FBXL7: variants seen among roughly 807,000 people sequenced by gnomAD.
The protein encoded by FBXL7 is F-box/LRR-repeat protein 7.
Under a neutral mutation model 38.3 loss-of-function variants are expected in FBXL7, and 12 were observed. That is an observed-to-expected ratio of 0.31 (90% CI 0.20 to 0.51). The LOEUF (loss-of-function observed/expected upper bound fraction) is 0.51. Ranked by LOEUF, FBXL7 falls within the 20% of genes least tolerant of loss-of-function variation. FBXL7 has a pLI of 0.98. For synonymous variants in FBXL7, 297 were observed against 300.9 expected (o/e 0.99, Z 0.13); for missense variants, 567 against 676.4 (o/e 0.84, Z 1.79).
chr5:15,799,584 A>T (rs921907843), intron 2 of FBXL7, among the ~76,000 whole-genome samples: 6 of 151,638 alleles, frequency 4.0e-5, no homozygotes, highest in Non-Finnish European at 7.4e-5. Context: ...CTGGTCTCGA[A>T]CTCCCAACCT....
intron 2 of FBXL7, among the ~76,000 whole-genome samples, chr5:15,645,381 A>G (rs1374472719): frequency 6.6e-6 from 1 of 152,126 alleles, no homozygotes; most frequent in African/African-American, 2.4e-5. Context: ...CAGAAACTCA[A>G]AAGAATGTGC....
intron 2 of FBXL7, among the ~76,000 whole-genome samples, chr5:15,638,771 T>C (rs1419261466): frequency 1.3e-5 from 2 of 152,162 alleles, no homozygotes; most frequent in African/African-American, 4.8e-5. Flanking sequence ...CTGTTTGTGG[T>C]TTCCAGAAAT....
intron 2 of FBXL7, among the ~76,000 whole-genome samples, chr5:15,736,695 C>T (rs190101967): frequency 3.3e-5 from 5 of 152,276 alleles, no homozygotes; most frequent in Admixed American, 3.3e-4. Context: ...GGTCTGGTTT[C>T]CTCAGCTACC....
At chr5:15,672,587 T>TA (rs1742515655) in intron 2 of FBXL7, among the ~76,000 whole-genome samples, 1 of 150,706 alleles carries the variant, frequency 6.6e-6, no homozygotes, top group African/African-American at 2.4e-5. Context: ...GATGAAGTCT[T>TA]ACTGTCGCTC....
Position 15,743,493 on chromosome 5 carries a change from T to A in FBXL7, c.127+127421T>A, listed in dbSNP as rs115254383. Among the ~76,000 whole-genome samples the A allele has an allele frequency of 4.4e-4, 67 of 152,342 alleles. 1 individual carries two copies. Among genetic ancestry groups the A allele is most frequent in the African/African-American group, 1.6e-3 (65 of 41,592 alleles). On this transcript the variant is annotated intron_variant, in intron 2 of 3. Coordinates refer to ENST00000504595, the MANE Select transcript of FBXL7 (RefSeq NM_012304.5). ...CTGATGCAAGAGGTGGCTCCCACCA[T>A]CTTGCACAGCTCTGCCCCTGTGGCT...
chr5:15,768,243 C>A (rs902294665), intron 2 of FBXL7, among the ~76,000 whole-genome samples: 1 of 152,006 alleles, frequency 6.6e-6, no homozygotes, highest in African/African-American at 2.4e-5. Flanking sequence ...TAAACAGTAA[C>A]ATTGCTGGCT....
intron 2 of FBXL7, among the ~76,000 whole-genome samples, chr5:15,785,494 C>T (rs1055584767): frequency 3.3e-5 from 5 of 152,128 alleles, no homozygotes; most frequent in African/African-American, 9.7e-5. Flanking sequence ...GTTTTATACA[C>T]GGAAGAAGAG....
At chr5:15,641,626 A>G (rs980051033) in intron 2 of FBXL7, among the ~76,000 whole-genome samples, 9 of 152,198 alleles carry the variant, frequency 5.9e-5, no homozygotes, top group African/African-American at 1.4e-4. Context: ...GGATGACAGG[A>G]ACATTTGAAT....
chr5:15,937,295 C>T lies in FBXL7; in HGVS notation c.*109C>T, dbSNP rs973287612. ...ACCCACTCAAAACAGCTCTTTCTTC[C>T]GGGAAGGTTATTAGGAATCTGGCCT... On this transcript the variant is annotated 3_prime_UTR_variant, in exon 4 of 4. Coordinates refer to ENST00000504595, the MANE Select transcript of FBXL7 (RefSeq NM_012304.5). 3.8e-6 allele frequency: 5 copies of T among 1,307,988 alleles called. No individual in the cohort carries two copies. In the African/African-American group the frequency reaches 4.5e-5, roughly 12 times the overall value. The allele number at this position is 1,307,988 out of a possible 1,614,324, so 81.0% of individuals were successfully genotyped here.
chr5:15,883,536 C>A (rs532616960), intron 2 of FBXL7, among the ~76,000 whole-genome samples: 1 of 152,148 alleles, frequency 6.6e-6, no homozygotes, highest in Non-Finnish European at 1.5e-5. Flanking sequence ...TTGGGCACCA[C>A]GAATTCACTT....
chr5:15,920,252 A>G (rs12188146), intron 2 of FBXL7, among the ~76,000 whole-genome samples: 151,567 of 151,732 alleles, frequency 1, 75,703 homozygotes, highest in Middle Eastern at 1. Context: ...GCGAGACTCC[A>G]TCTCAAAAAA....
rs535274835 is a variant in FBXL7, at chr5:15,577,266, G to A, written c.38-38717G>A. ...ACAATGTCATCCACGTCCTCGTGGC[G>A]TTAATTATCTACACCATGGTATCTG... On this transcript the variant is annotated intron_variant, in intron 1 of 3. Transcript: ENST00000504595. Among the ~76,000 whole-genome samples, 27 of 152,118 alleles carry A rather than the reference G, an allele frequency of 1.8e-4. No homozygotes were observed. In the South Asian group the frequency reaches 5.0e-3, roughly 28 times the overall value.
chr5:15,563,533 A>G (rs936503487), intron 1 of FBXL7, among the ~76,000 whole-genome samples: 4 of 152,014 alleles, frequency 2.6e-5, no homozygotes, highest in African/African-American at 9.7e-5. Flanking sequence ...TATTGCAAGT[A>G]TTTCTCACTC....
chr5:15,629,342 C>T (rs1740925922), intron 2 of FBXL7, among the ~76,000 whole-genome samples: 1 of 152,082 alleles, frequency 6.6e-6, no homozygotes, highest in African/African-American at 2.4e-5. Context: ...CTGCCGTGGG[C>T]TCACTTTTAT....
chr5:15,589,477 G>A (rs949862242), intron 1 of FBXL7, among the ~76,000 whole-genome samples: 8 of 152,090 alleles, frequency 5.3e-5, no homozygotes, highest in Admixed American at 5.2e-4. Flanking sequence ...GTGATTGTAA[G>A]TTTCCCGAGG....
chr5:15,712,801 G>A (rs1249677819), intron 2 of FBXL7, among the ~76,000 whole-genome samples: 1 of 152,164 alleles, frequency 6.6e-6, no homozygotes, highest in Non-Finnish European at 1.5e-5. Context: ...TGGAAGGACA[G>A]GTATTCCCTT....
At chr5:15,923,170 G>A (rs1741788141) in intron 2 of FBXL7, among the ~76,000 whole-genome samples, 1 of 152,128 alleles carries the variant, frequency 6.6e-6, no homozygotes, top group Non-Finnish European at 1.5e-5. Flanking sequence ...CCCCTGCATC[G>A]GGGTCCCTGT....
chr5:15,512,387 C>T (rs1451526316), intron 1 of FBXL7, among the ~76,000 whole-genome samples: 1 of 152,178 alleles, frequency 6.6e-6, no homozygotes, highest in Non-Finnish European at 1.5e-5. Context: ...TATGCACACT[C>T]ATGTGATTGT....
rs1554017097 is a variant in FBXL7, at chr5:15,722,930, C to CAAAAA, written c.127+106865_127+106869dup. 5.0e-3 allele frequency among the ~76,000 whole-genome samples: 704 copies of CAAAAA among 142,076 alleles called. 2 individuals carry two copies. Among genetic ancestry groups the CAAAAA allele is most frequent in the Non-Finnish European group, 8.8e-3 (574 of 65,514 alleles). 93.2% of individuals were successfully genotyped at this position (142,076 alleles called of 152,430 possible). A position where few individuals can be genotyped will look rare whatever the true frequency, so the allele number is the denominator to read the frequency against. ...GAGCAAGACTCCGTCTCAAAAAAAA[C>CAAAAA]AAAAAAAAAAAGAGAGAAGAGAAAA... On this transcript the variant is annotated intron_variant, in intron 2 of 3. Coordinates refer to ENST00000504595, the MANE Select transcript of FBXL7 (RefSeq NM_012304.5).
Sources: allele counts gnomAD v4.1 joint callset (sites outside exome capture counted in the v4.1 genomes callset), GRCh38; gene constraint gnomAD v4.1.1; transcripts MANE v1.5; gene names NCBI Gene and HGNC (gene_info 2026-07-23, HGNC 2026-07-21).